Variants in PTPRD observed in about 807,000 individuals in gnomAD.
The protein encoded by PTPRD is protein tyrosine phosphatase receptor type D.
In PTPRD, 34 loss-of-function variants were observed where a neutral mutation model predicts 214.5. The observed-to-expected ratio is 0.16, with a 90% confidence interval of 0.12 to 0.21. The LOEUF is 0.21. Among genes scored for constraint, PTPRD ranks in the 10% least tolerant of loss-of-function variants. The pLI is 1.00. For synonymous variants in PTPRD, 1,128 were observed against 845.7 expected (o/e 1.33, Z -5.79); for missense variants, 2,545 against 2,398.7 (o/e 1.06, Z -1.27).
intron 11 of PTPRD, among the ~76,000 whole-genome samples, chr9:8,963,834 A>G (rs62529136): frequency 0.18 from 27,857 of 151,948 alleles, 2,844 homozygotes; most frequent in African/African-American, 0.25. Flanking sequence ...AGCTGGTCTC[A>G]AATTCCTGGG....
intron 11 of PTPRD, among the ~76,000 whole-genome samples, chr9:8,792,179 C>T (rs1599917492): frequency 6.6e-6 from 1 of 152,140 alleles, no homozygotes; most frequent in African/African-American, 2.4e-5. Context: ...GCCTTGGACA[C>T]ATGAATTTGA....
At chr9:8,917,198 G>A (rs1458849113) in intron 11 of PTPRD, among the ~76,000 whole-genome samples, 5 of 148,624 alleles carry the variant, frequency 3.4e-5, no homozygotes, top group African/African-American at 1.0e-4. Flanking sequence ...GTGTGCTCTC[G>A]GCTCGCTGCA....
At chr9:9,271,080 T>C (rs950998732) in intron 9 of PTPRD, among the ~76,000 whole-genome samples, 6 of 151,338 alleles carry the variant, frequency 4.0e-5, no homozygotes, top group Non-Finnish European at 8.9e-5. Context: ...GGAGGACCGA[T>C]TGGGCTACTA....
At chr9:9,422,665 C>T (rs1587981592) in intron 8 of PTPRD, among the ~76,000 whole-genome samples, 1 of 152,210 alleles carries the variant, frequency 6.6e-6, no homozygotes, top group South Asian at 2.1e-4. Context: ...GCTGGTAGAG[C>T]TTTCTGCACT....
intron 3 of PTPRD, among the ~76,000 whole-genome samples, chr9:10,148,408 TA>T (rs1356306510): frequency 6.6e-6 from 1 of 152,150 alleles, no homozygotes; most frequent in African/African-American, 2.4e-5. Context: ...TCAAAAAGAT[TA>T]CAGTCTAGAA....
intron 9 of PTPRD, among the ~76,000 whole-genome samples, chr9:9,316,760 C>A (rs1472798054): frequency 1.3e-5 from 2 of 152,128 alleles, no homozygotes; most frequent in African/African-American, 4.8e-5. Flanking sequence ...TAAAATAACA[C>A]AATCAGATGC....
Position 9,334,860 on chromosome 9 carries a change from A to G in PTPRD, c.-203+62589T>C, listed in dbSNP as rs1032996584. ...ATTAAGACAAGTAAATAGTAGTACTAGGTAAGAAATCAACATTAGATGCTT... is the reference window on the plus strand; with the variant it reads ...ATTAAGACAAGTAAATAGTAGTACTGGGTAAGAAATCAACATTAGATGCTT... On this transcript the variant is annotated intron_variant, in intron 9 of 45. Transcript: ENST00000381196. Among the ~76,000 whole-genome samples, 8 of 152,138 alleles carry G rather than the reference A, an allele frequency of 5.3e-5. No individual in the cohort carries two copies. In the East Asian group the frequency reaches 1.4e-3, roughly 26 times the overall value.
chr9:9,586,520 T>C (rs1483367755), intron 7 of PTPRD, among the ~76,000 whole-genome samples: 1 of 152,006 alleles, frequency 6.6e-6, no homozygotes, highest in Non-Finnish European at 1.5e-5. Flanking sequence ...ATGAAACCTA[T>C]ACAAACTATA....
At chr9:9,903,422 G>A (rs1019923016) in intron 5 of PTPRD, among the ~76,000 whole-genome samples, 11 of 151,988 alleles carry the variant, frequency 7.2e-5, no homozygotes, top group African/African-American at 2.7e-4. Flanking sequence ...CATAGAAACA[G>A]TTTCACAAGT....
intron 10 of PTPRD, among the ~76,000 whole-genome samples, chr9:9,175,669 T>A (rs1271529764): frequency 6.7e-6 from 1 of 148,812 alleles, no homozygotes; most frequent in East Asian, 2.0e-4. Context: ...ACAATTCTTA[T>A]AAGCTTAGGA....
chr9:9,836,673 C>G (rs1667065859), intron 5 of PTPRD, among the ~76,000 whole-genome samples: 1 of 152,142 alleles, frequency 6.6e-6, no homozygotes, highest in Non-Finnish European at 1.5e-5. Flanking sequence ...TTTCACACAG[C>G]ATAGACTACG....
intron 34 of PTPRD, among the ~76,000 whole-genome samples, chr9:8,439,299 A>G (rs924418237): frequency 1.3e-5 from 2 of 152,204 alleles, no homozygotes; most frequent in African/African-American, 4.8e-5. Context: ...AACTGTTAAA[A>G]TAAGAGTATA....
chr9:8,329,826 G>T (rs1280726678), intron 44 of PTPRD, among the ~76,000 whole-genome samples: 1 of 152,072 alleles, frequency 6.6e-6, no homozygotes, highest in Admixed American at 6.6e-5. Flanking sequence ...AAAACAAACA[G>T]CCTACTCTAG....
At chr9:9,836,126 G>C (rs763373643) in intron 5 of PTPRD, among the ~76,000 whole-genome samples, 1 of 152,142 alleles carries the variant, frequency 6.6e-6, no homozygotes, top group Non-Finnish European at 1.5e-5. Context: ...CAATGGTTTG[G>C]ACAAATGTTT....
chr9:9,791,969 G>A (rs945652222), intron 5 of PTPRD, among the ~76,000 whole-genome samples: 18 of 151,856 alleles, frequency 1.2e-4, no homozygotes, highest in African/African-American at 4.4e-4. Context: ...AATAATTAGA[G>A]CACTGCATCT....
At chr9:9,420,402 C>G (rs1260429718) in intron 8 of PTPRD, among the ~76,000 whole-genome samples, 2 of 151,772 alleles carry the variant, frequency 1.3e-5, no homozygotes, top group Non-Finnish European at 3.0e-5. Flanking sequence ...GTTACTGCCT[C>G]CCCTATTGTT....
At chr9:10,260,201 G>A (rs1177552798) in intron 3 of PTPRD, among the ~76,000 whole-genome samples, 1 of 152,100 alleles carries the variant, frequency 6.6e-6, no homozygotes. Context: ...CTGTTTCTTA[G>A]ACCCTATATC....
At chr9:8,844,596 C>T (rs2097648656) in intron 11 of PTPRD, among the ~76,000 whole-genome samples, 1 of 152,138 alleles carries the variant, frequency 6.6e-6, no homozygotes, top group Non-Finnish European at 1.5e-5. Context: ...AATCCATTGT[C>T]TGCTCTACCA....
rs150302243 is a variant in PTPRD, at chr9:8,775,762, T to C, written c.-103-41816A>G. ...ACTTTGGGAGGCCAAGGCAGGAGGA[T>C]TACTTGAGCTCAGGAGTTCAAGACC... On this transcript the variant is annotated intron_variant, in intron 11 of 45. Transcript: ENST00000381196. 2.6e-3 allele frequency among the ~76,000 whole-genome samples: 388 copies of C among 151,992 alleles called. 2 individuals are homozygous for C. The highest frequency in any genetic ancestry group is 8.7e-3 in the African/African-American group (361 of 41,456).
Sources: gnomAD v4.1 joint callset for allele counts (sites outside exome capture counted in the v4.1 genomes callset) on GRCh38, gnomAD v4.1.1 for gene constraint, MANE v1.5 for transcripts, NCBI Gene and HGNC (gene_info 2026-07-23, HGNC 2026-07-21) for gene names.